AKAP13: variants seen among roughly 807,000 people sequenced by gnomAD.
The protein encoded by AKAP13 is A-kinase anchor protein 13.
A neutral mutation model predicts 264.5 loss-of-function variants in AKAP13; 80 were observed. The observed-to-expected ratio is 0.30, with a 90% confidence interval of 0.25 to 0.36. AKAP13 has a LOEUF of 0.36. Among genes scored for constraint, AKAP13 ranks in the 10% least tolerant of loss-of-function variants. AKAP13 has a pLI of 1.00. For missense variants in AKAP13, 3,712 were observed against 3,435.2 expected (o/e 1.08, Z -2.01); for synonymous variants, 1,380 against 1,250.2 (o/e 1.10, Z -2.19).
intron 1 of AKAP13, among the ~76,000 whole-genome samples, chr15:85,444,103 T>G (rs985535134): frequency 6.6e-6 from 1 of 152,182 alleles, no homozygotes; most frequent in African/African-American, 2.4e-5. Flanking sequence ...GTGGGATATT[T>G]GGACAGTTTG....
intron 1 of AKAP13, among the ~76,000 whole-genome samples, chr15:85,393,821 A>T (rs2070983693): frequency 6.6e-6 from 1 of 152,096 alleles, no homozygotes; most frequent in Non-Finnish European, 1.5e-5. Flanking sequence ...CATTTTTTTC[A>T]CTTTGATGTA....
intron 5 of AKAP13, among the ~76,000 whole-genome samples, chr15:85,573,934 T>C (rs2078916180): frequency 2.6e-5 from 4 of 152,238 alleles, no homozygotes; most frequent in Admixed American, 2.6e-4. Flanking sequence ...ATGTAGTTTT[T>C]TATGCACATT....
intron 2 of AKAP13, among the ~76,000 whole-genome samples, chr15:85,486,946 GC>G (rs905935231): frequency 1.3e-5 from 2 of 151,998 alleles, no homozygotes; most frequent in Non-Finnish European, 2.9e-5. Context: ...TACCATGTTT[GC>G]CAGGGTGGTC....
intron 2 of AKAP13, among the ~76,000 whole-genome samples, chr15:85,510,482 A>G (rs923105225): frequency 3.9e-5 from 6 of 152,240 alleles, no homozygotes; most frequent in Admixed American, 3.9e-4. Context: ...AAAGTAACAA[A>G]ATATTTTCAG....
intron 17 of AKAP13, among the ~76,000 whole-genome samples, chr15:85,699,747 C>G (rs2085801228): frequency 6.6e-6 from 1 of 152,230 alleles, no homozygotes; most frequent in Non-Finnish European, 1.5e-5. Context: ...AGCAGAATTA[C>G]TACCAGAACA....
chr15:85,712,227 G>C (rs2086668982), intron 19 of AKAP13, among the ~76,000 whole-genome samples: 1 of 152,120 alleles, frequency 6.6e-6, no homozygotes, highest in Non-Finnish European at 1.5e-5. Flanking sequence ...AGTACTTCCA[G>C]ATAGCTCCTG....
chr15:85,560,332 G>A (rs142702393), intron 5 of AKAP13, among the ~76,000 whole-genome samples: 24 of 151,782 alleles, frequency 1.6e-4, no homozygotes, highest in African/African-American at 5.8e-4. Flanking sequence ...TGCAAAGAGT[G>A]GGGGTGGTCT....
At chr15:85,385,148 A>C (rs537792798) in intron 1 of AKAP13, among the ~76,000 whole-genome samples, 1 of 152,202 alleles carries the variant, frequency 6.6e-6, no homozygotes, top group African/African-American at 2.4e-5. Flanking sequence ...AATATTTACT[A>C]TCTGGGCTTT....
intron 2 of AKAP13, among the ~76,000 whole-genome samples, chr15:85,488,293 T>C (rs2075623234): frequency 6.6e-6 from 1 of 152,246 alleles, no homozygotes; most frequent in Admixed American, 6.5e-5. Flanking sequence ...TTGATAATGC[T>C]GCACAATCTT....
intron 2 of AKAP13, among the ~76,000 whole-genome samples, chr15:85,511,397 C>G (rs2076415434): frequency 6.6e-6 from 1 of 152,130 alleles, no homozygotes; most frequent in South Asian, 2.1e-4. Flanking sequence ...CAGGCTAGCC[C>G]TTTTTTGACA....
Position 85,499,451 on chromosome 15 carries a change from C to T in AKAP13, c.33+13698C>T, listed in dbSNP as rs948192059. ...GTAGGTTTTGAAATGAGGTTGTAGA[C>T]GGGCTGCTGAGACTGATTTTTGGAC... On this transcript the variant is annotated intron_variant, in intron 2 of 36. Transcript: ENST00000394518. Among the ~76,000 whole-genome samples the T allele has an allele frequency of 5.3e-5, 8 of 152,104 alleles. No homozygotes were observed. The East Asian group carries it at 5.8e-4, about 11-fold the overall frequency.
At chr15:85,596,896 C>A (rs779362526) in intron 8 of AKAP13, among the ~76,000 whole-genome samples, 1 of 152,016 alleles carries the variant, frequency 6.6e-6, no homozygotes, top group Non-Finnish European at 1.5e-5. Flanking sequence ...AGTGGCACAT[C>A]TGGGAAGTTT....
chr15:85,542,013 A>T (rs2077594714), intron 4 of AKAP13, among the ~76,000 whole-genome samples: 1 of 152,228 alleles, frequency 6.6e-6, no homozygotes, highest in African/African-American at 2.4e-5. Flanking sequence ...TGGTAAAGAG[A>T]CAGCTGCTTC....
chr15:85,560,128 T>TAA (rs55715424), intron 5 of AKAP13, among the ~76,000 whole-genome samples: 101 of 54,578 alleles, frequency 1.9e-3, no homozygotes, highest in African/African-American at 5.7e-3. Flanking sequence ...TGTCTCCACC[T>TAA]AAAAAAAAAA....
At chr15:85,712,875 C>A (rs142504567) in intron 19 of AKAP13, among the ~76,000 whole-genome samples, 185 of 152,286 alleles carry the variant, frequency 1.2e-3, no homozygotes, top group African/African-American at 4.2e-3. Flanking sequence ...CTGTTGTACT[C>A]CACTGAGGCA....
chr15:85,596,244 T>A (rs1278987647), intron 8 of AKAP13, among the ~76,000 whole-genome samples: 1 of 152,348 alleles, frequency 6.6e-6, no homozygotes, highest in East Asian at 1.9e-4. Context: ...TGTATTGATC[T>A]TCTTTTTCTG....
chr15:85,701,772 G>T (rs1264469551), intron 17 of AKAP13, among the ~76,000 whole-genome samples: 1 of 151,524 alleles, frequency 6.6e-6, no homozygotes, highest in Non-Finnish European at 1.5e-5. Context: ...AAAAGTATCA[G>T]ACAGCAAAAA....
intron 1 of AKAP13, among the ~76,000 whole-genome samples, chr15:85,406,259 G>A (rs779626610): frequency 4.6e-5 from 7 of 152,162 alleles, no homozygotes; most frequent in Non-Finnish European, 8.8e-5. Flanking sequence ...CATTGTGCCT[G>A]TAAGTGTGCT....
intron 1 of AKAP13, among the ~76,000 whole-genome samples, chr15:85,446,241 A>T (rs904583253): frequency 6.6e-6 from 1 of 152,234 alleles, no homozygotes; most frequent in Non-Finnish European, 1.5e-5. Flanking sequence ...GAAGATAGTT[A>T]TGCTTAGAGG....
Sources: allele counts gnomAD v4.1 joint callset (sites outside exome capture counted in the v4.1 genomes callset), GRCh38; gene constraint gnomAD v4.1.1; transcripts MANE v1.5; gene names NCBI Gene and HGNC (gene_info 2026-07-23, HGNC 2026-07-21).